NASP: variants seen among roughly 807,000 people sequenced by gnomAD.
NASP encodes nuclear autoantigenic sperm protein, also known as NASP histone chaperone.
NASP carries 24 observed loss-of-function variants against 89.5 expected under a neutral mutation model. The ratio of observed to expected loss-of-function variants is 0.27; its 90% confidence interval spans 0.19 to 0.38. NASP has a LOEUF of 0.38. Ranked by LOEUF, NASP falls within the 10% of genes least tolerant of loss-of-function variation. NASP has a pLI of 1.00. For missense variants in NASP, 848 were observed against 921.4 expected, an observed-to-expected ratio of 0.92 and a Z score of 1.03; for synonymous variants, 306 against 324.7, an observed-to-expected ratio of 0.94 and a Z score of 0.62.
intron 1 of NASP, among the ~76,000 whole-genome samples, chr1:45,585,017 CTG>C (rs1177847662): frequency 6.6e-6 from 1 of 152,204 alleles, no homozygotes; most frequent in Admixed American, 6.5e-5. Flanking sequence ...GAAGCGCTGT[CTG>C]GAGCTCTCAC....
intron 5 of NASP, among the ~76,000 whole-genome samples, chr1:45,607,059 C>T (rs553222480): frequency 6.6e-6 from 1 of 152,296 alleles, no homozygotes; most frequent in Admixed American, 6.5e-5. Context: ...AAAAGCTTGG[C>T]ATCTCTTACC....
At chr1:45,603,142 G>A (rs901694970) in intron 3 of NASP, among the ~76,000 whole-genome samples, 1 of 152,138 alleles carries the variant, frequency 6.6e-6, no homozygotes, top group African/African-American at 2.4e-5. Flanking sequence ...TGGAGGAAAA[G>A]GTTAGCTTTA....
Position 45,618,145 on chromosome 1 carries a change from G to C in NASP, c.*4G>C. ...AGTTGAAAGCACTGCATGTTAAGAG[G>C]GGGCACAGCCCTCCTCCCAAGGGAA... is the stretch of plus-strand genomic sequence containing the variant. On this transcript the variant is annotated 3_prime_UTR_variant, in exon 15 of 15. Transcript: ENST00000350030. The C allele has an allele frequency of 6.3e-7, 1 of 1,584,814 alleles. No homozygotes were observed. The highest frequency in any genetic ancestry group is 8.6e-7 in the Non-Finnish European group (1 of 1,164,378).
intron 2 of NASP, among the ~76,000 whole-genome samples, chr1:45,599,175 C>G (rs953038663): frequency 2.0e-5 from 3 of 152,102 alleles, no homozygotes; most frequent in African/African-American, 7.2e-5. Context: ...GTTGCCCACG[C>G]TGGAGTGCAG....
At chr1:45,586,469 G>A (rs1378627487) in intron 1 of NASP, among the ~76,000 whole-genome samples, 4 of 152,160 alleles carry the variant, frequency 2.6e-5, no homozygotes, top group African/African-American at 9.6e-5. Context: ...TATTTATTTT[G>A]TAAAGACGAG....
chr1:45,607,671 T>G lies in NASP; in HGVS notation c.760T>G (p.Cys254Gly), dbSNP rs1325700104. The G allele has an allele frequency of 1.2e-6, 2 of 1,613,458 alleles. No homozygotes were observed. The highest frequency in any genetic ancestry group is 1.7e-5 in the Admixed American group (1 of 59,954). ...TTCTGGAACTGATGTCCAAGAAGAG[T>G]GCAGAGAAAAAGGAGGTCAGGAGAA... The part of the protein sequence containing the change: ...SVSGTDVQEE[C>G]REKGGQEKQG... The change falls in exon 6 of 15, where the codon TGC becomes GGC. Residue 254 changes from cysteine (C) to glycine (G), a missense_variant. Physicochemically the swap from Cys to Gly is radical, Grantham distance 159. Around this residue, in one of 5 missense-constraint regions of NASP, gnomAD observed 464 missense variants for 469.4 expected, o/e 0.99. Transcript: ENST00000350030.
intron 11 of NASP, 146 bp downstream of exon 11, chr1:45,615,617 G>A: frequency 1.4e-6 from 1 of 717,874 alleles, no homozygotes; most frequent in East Asian, 2.8e-5. Context: ...CAGTGGTTAA[G>A]AGGAAATACC....
rs1480494432 is a variant in NASP at position 45,618,885 on chromosome 1, C to G, written c.*744C>G. On this transcript the variant is annotated 3_prime_UTR_variant, in exon 15 of 15. Coordinates refer to ENST00000350030, the MANE Select transcript of NASP (RefSeq NM_002482.4). Reference sequence around the variant, plus strand: ...AGAATTGACTTCTCAAATAAAGATGCTAAAAATCTCCTTGTCTGGAATTAT... The same window carrying G: ...AGAATTGACTTCTCAAATAAAGATGGTAAAAATCTCCTTGTCTGGAATTAT... 1 of 152,146 alleles carries G rather than the reference C, an allele frequency of 6.6e-6. No homozygotes were observed. The highest frequency in any genetic ancestry group is 1.5e-5 in the Non-Finnish European group (1 of 68,030). The allele number at this position is 152,146 out of a possible 1,614,324, so 9.4% of individuals were successfully genotyped here. A position where few individuals can be genotyped will look rare whatever the true frequency, so the allele number is the denominator to read the frequency against.
chr1:45,589,248 C>T (rs1343073099), intron 1 of NASP, among the ~76,000 whole-genome samples: 1 of 152,132 alleles, frequency 6.6e-6, no homozygotes, highest in Non-Finnish European at 1.5e-5. Flanking sequence ...CCATATCAGT[C>T]TCTGGAGTAG....
At chr1:45,600,610 T>C (rs974249282) in intron 2 of NASP, among the ~76,000 whole-genome samples, 2 of 152,228 alleles carry the variant, frequency 1.3e-5, no homozygotes, top group Non-Finnish European at 2.9e-5. Context: ...TCCATTTGGG[T>C]TTCCAGTTTT....
At chr1:45,586,272 GTGTGTGTGTGTGGTGTGT>G (rs1557646310) in intron 1 of NASP, among the ~76,000 whole-genome samples, 4 of 74,862 alleles carry the variant, frequency 5.3e-5, no homozygotes, top group Non-Finnish European at 5.3e-5. Context: ...GTGTGTGTGT[GTGTGTGTGTGTGGTGTGT>G]GTGTGTGTGT....
chr1:45,587,127 T>C (rs1216388151), intron 1 of NASP, among the ~76,000 whole-genome samples: 1 of 152,186 alleles, frequency 6.6e-6, no homozygotes, highest in Non-Finnish European at 1.5e-5. Context: ...TAAGGTGATG[T>C]ATATCTACAT....
chr1:45,607,873 C>G lies in NASP; in HGVS notation c.962C>G (p.Ser321Cys). The change falls in exon 6 of 15, where the codon TCT (serine) becomes TGT (cysteine). Residue 321 changes from serine (S) to cysteine (C), a missense_variant. By Grantham distance (112) the Ser-to-Cys change is moderately radical (BLOSUM62 -1). Transcript: ENST00000350030. ...GAGCCAGAGGAGAAGGTAGTTACCT[C>G]TGAAAACGAGGCAGGAAAGGCGGTT... The part of the protein sequence containing the change: ...GDEPEEKVVT[S>C]ENEAGKAVLE... The G allele has an allele frequency of 6.2e-7, 1 of 1,614,154 alleles. No homozygotes were observed. Among genetic ancestry groups the G allele is most frequent in the South Asian group, 1.1e-5 (1 of 91,078 alleles).
intron 11 of NASP, among the ~76,000 whole-genome samples, chr1:45,615,876 A>G (rs566383527): frequency 6.6e-6 from 1 of 152,322 alleles, no homozygotes; most frequent in African/African-American, 2.4e-5. Context: ...TTTGAGTGTC[A>G]GTCAGTCCTC....
chr1:45,596,251 A>G (rs1643691339), intron 2 of NASP, among the ~76,000 whole-genome samples: 1 of 152,234 alleles, frequency 6.6e-6, no homozygotes, highest in Non-Finnish European at 1.5e-5. Context: ...CACATATAAT[A>G]TAAAATTTTC....
chr1:45,588,891 C>A, intron 1 of NASP: 1 of 221,488 alleles, frequency 4.5e-6, no homozygotes, highest in South Asian at 4.7e-5. Flanking sequence ...CCACTGCACT[C>A]CAGCCTGGGC....
In NASP at chr1:45,607,872, T is replaced by A. The variant is rs1216042554; in HGVS notation, c.961T>A (p.Ser321Thr). 6.2e-7 allele frequency: 1 copy of A among 1,614,060 alleles called. No individual in the cohort carries two copies. The highest frequency in any genetic ancestry group is 8.5e-7 in the Non-Finnish European group (1 of 1,180,014). The stretch of plus-strand genomic sequence containing the variant: ...CGAGCCAGAGGAGAAGGTAGTTACC[T>A]CTGAAAACGAGGCAGGAAAGGCGGT... ...GDEPEEKVVT[S>T]ENEAGKAVLE... The change falls in exon 6 of 15, where the codon TCT (serine) becomes ACT (threonine). Residue 321 changes from serine (S) to threonine (T), a missense_variant. Ser to Thr is a moderately conservative substitution (Grantham distance 58, BLOSUM62 1). Coordinates refer to ENST00000350030, the MANE Select transcript of NASP (RefSeq NM_002482.4).
At chr1:45,602,432 A>G in intron 3 of NASP, 67 bp downstream of exon 3, 1 of 1,446,430 alleles carries the variant, frequency 6.9e-7, no homozygotes, top group South Asian at 1.2e-5. Context: ...ATCAAAAATT[A>G]TTTTATGGGG....
At position 45,618,083 on chromosome 1, in the gene NASP, G is replaced by C. The variant is rs774108236; in HGVS notation, c.2309G>C (p.Arg770Pro). 1 of 1,602,650 alleles carries C rather than the reference G, an allele frequency of 6.2e-7. No homozygotes were observed. The highest frequency in any genetic ancestry group is 1.1e-5 in the South Asian group (1 of 88,612). ...EEEAENQAES[R>P]AAVEGTVEAG... ...CAGGCTGAGAATCAGGCTGAAAGCC[G>C]GGCAGCAGTGGAGGGGACAGTGGAG... The change falls in exon 15 of 15, where the codon CGG (arginine) becomes CCG (proline). Residue 770 changes from arginine (R) to proline (P), a missense_variant. Around this residue, in one of 5 missense-constraint regions of NASP, gnomAD observed 218 missense variants for 219.6 expected, o/e 0.99. Coordinates refer to ENST00000350030, the MANE Select transcript of NASP (RefSeq NM_002482.4).
Sources: allele counts gnomAD v4.1 joint callset (sites outside exome capture counted in the v4.1 genomes callset), GRCh38; gene constraint gnomAD v4.1.1; regional missense constraint gnomAD v4.1.1; transcripts MANE v1.5; gene names NCBI Gene and HGNC (gene_info 2026-07-23, HGNC 2026-07-21).